Variants in CCNH observed in about 807,000 individuals in gnomAD.
CCNH encodes the protein cyclin-H.
CCNH carries 31 observed loss-of-function variants against 41.9 expected under a neutral mutation model. That is an observed-to-expected ratio of 0.74 (90% CI 0.56 to 1.00). The LOEUF (loss-of-function observed/expected upper bound fraction) is 1.00, where lower values mean the gene tolerates loss of function less well. Ranked by LOEUF, CCNH falls within the 50% of genes least tolerant of loss-of-function variation. The pLI is 0.00. For synonymous variants in CCNH, 138 were observed against 136.1 expected, an observed-to-expected ratio of 1.01 and a Z score of -0.10; for missense variants, 362 against 388.4, an observed-to-expected ratio of 0.93 and a Z score of 0.57.
At chr5:87,367,693 C>G (rs962160355) in intron 9 of CCNH, among the ~76,000 whole-genome samples, 1 of 152,200 alleles carries the variant, frequency 6.6e-6, no homozygotes, top group Non-Finnish European at 1.5e-5. Context: ...TTTACACCAT[C>G]TTTTCATAGC....
intron 9 of CCNH, chr5:87,383,812 AAAT>A: frequency 6.4e-7 from 1 of 1,551,008 alleles, no homozygotes; most frequent in Non-Finnish European, 8.9e-7. Context: ...TTGAAATTCA[AAAT>A]ATTAGAATTA....
At chr5:87,382,150 C>G (rs1441231319), upstream of CCNH, among the ~76,000 whole-genome samples, 1 of 152,118 alleles carries the variant, frequency 6.6e-6, no homozygotes, top group African/African-American at 2.4e-5. Context: ...TGGGGTTAGA[C>G]CATGTTGGCC....
chr5:87,364,458 A>C (rs1237246605), intron 9 of CCNH, among the ~76,000 whole-genome samples: 1 of 152,154 alleles, frequency 6.6e-6, no homozygotes, highest in Non-Finnish European at 1.5e-5. Flanking sequence ...TATATTGTGA[A>C]TCTGTAAAAT....
chr5:87,393,106 C>CGT (rs1325006729), downstream of CCNH, among the ~76,000 whole-genome samples: 1 of 150,704 alleles, frequency 6.6e-6, no homozygotes. Flanking sequence ...CTCAAGCCTA[C>CGT]AGTGTAAAGA....
chr5:87,345,874 G>T (rs1394389770), intron 9 of CCNH, among the ~76,000 whole-genome samples: 2 of 152,044 alleles, frequency 1.3e-5, no homozygotes, highest in East Asian at 1.9e-4. Flanking sequence ...TGTCAGCCTG[G>T]CATTAAGATG....
chr5:87,406,704 C>A (rs78404006), intron 4 of CCNH, among the ~76,000 whole-genome samples: 1,815 of 152,156 alleles, frequency 0.012, 28 homozygotes, highest in African/African-American at 0.041. Context: ...GATACTCATC[C>A]TGTATCTCTG....
chr5:87,384,020 C>CTT (rs1761905754), intron 9 of CCNH, among the ~76,000 whole-genome samples: 1 of 151,932 alleles, frequency 6.6e-6, no homozygotes, highest in African/African-American at 2.4e-5. Flanking sequence ...CACATTCCAC[C>CTT]TTTTTTCTAC....
At chr5:87,319,158 C>T (rs1189745557) in intron 9 of CCNH, among the ~76,000 whole-genome samples, 1 of 152,240 alleles carries the variant, frequency 6.6e-6, no homozygotes, top group Non-Finnish European at 1.5e-5. Flanking sequence ...CTGCAGGATA[C>T]AGCCCCCACA....
At chr5:87,341,269 G>A (rs1435430913) in intron 9 of CCNH, 1 of 1,295,148 alleles carries the variant, frequency 7.7e-7, no homozygotes, top group Non-Finnish European at 1.0e-6. Flanking sequence ...ATAAAATACT[G>A]TCTTAATGTC....
At chr5:87,371,937 ATTG>A (rs1199640180), downstream of CCNH, among the ~76,000 whole-genome samples, 3 of 151,534 alleles carry the variant, frequency 2.0e-5, no homozygotes, top group Non-Finnish European at 2.9e-5. Context: ...TATTATTGTT[ATTG>A]TTATGTTATT....
chr5:87,333,354 T>C (rs1323150832), intron 9 of CCNH: 1 of 1,612,318 alleles, frequency 6.2e-7, no homozygotes, highest in Admixed American at 1.7e-5. Context: ...TATAATCTAT[T>C]CTCATGTATA....
At chr5:87,387,505 A>G (rs1762144539), downstream of CCNH, among the ~76,000 whole-genome samples, 2 of 152,170 alleles carry the variant, frequency 1.3e-5, no homozygotes, top group Admixed American at 6.5e-5. Flanking sequence ...ATTTTCAGGT[A>G]CTGAGTCAGT....
chr5:87,340,140 A>AT (rs1464678459), intron 9 of CCNH, among the ~76,000 whole-genome samples: 6 of 152,132 alleles, frequency 3.9e-5, no homozygotes, highest in Non-Finnish European at 7.4e-5. Flanking sequence ...TTCTATGTTT[A>AT]TAGTTTTCCC....
At chr5:87,387,971 A>G (rs950350825), downstream of CCNH, among the ~76,000 whole-genome samples, 18 of 152,146 alleles carry the variant, frequency 1.2e-4, 1 homozygote, top group Admixed American at 9.8e-4. Context: ...TAATACTACC[A>G]TATTTCTTCA....
In CCNH at chr5:87,397,403, G is replaced by A. The variant is rs1023350295; in HGVS notation, c.872+1991C>T. Among the ~76,000 whole-genome samples the A allele has an allele frequency of 3.9e-4, 59 of 152,030 alleles. 1 individual carries two copies. The highest frequency in any genetic ancestry group is 1.9e-4 in the East Asian group (1 of 5,182). On this transcript the variant is annotated intron_variant, in intron 7 of 8. Coordinates refer to ENST00000256897, the MANE Select transcript of CCNH (RefSeq NM_001239.4). ...TCGAACTCCCGACCTCAGGTGATCC[G>A]CCCGCCTTAGCCTCCCAAACTGCTG... is the stretch of plus-strand genomic sequence containing the variant.
exon 1 of CCNH, chr5:87,376,333 T>C: frequency 1.3e-6 from 2 of 1,584,180 alleles, no homozygotes. Flanking sequence ...GAAAATTTAC[T>C]TGCATGACTA....
At chr5:87,355,327 A>G (rs998684365) in intron 9 of CCNH, among the ~76,000 whole-genome samples, 1 of 152,168 alleles carries the variant, frequency 6.6e-6, no homozygotes, top group African/African-American at 2.4e-5. Context: ...GTTGAAACCA[A>G]TTATCGTTGA....
At chr5:87,356,358 C>T (rs1382319031) in intron 9 of CCNH, among the ~76,000 whole-genome samples, 1 of 152,048 alleles carries the variant, frequency 6.6e-6, no homozygotes, top group African/African-American at 2.4e-5. Flanking sequence ...AAGATTATGA[C>T]TCACTGACGT....
intron 9 of CCNH, chr5:87,362,461 C>A (rs934262116): frequency 1.5e-6 from 2 of 1,301,796 alleles, no homozygotes; most frequent in Non-Finnish European, 2.2e-6. Flanking sequence ...GTATTTTAAG[C>A]GCTTTGGCTT....
Sources: gnomAD v4.1 joint callset for allele counts (sites outside exome capture counted in the v4.1 genomes callset) on GRCh38, gnomAD v4.1.1 for gene constraint, MANE v1.5 for transcripts, NCBI Gene and HGNC (gene_info 2026-07-23, HGNC 2026-07-21) for gene names.